Variants in CRTC3 observed in about 807,000 individuals in gnomAD.
The protein encoded by CRTC3 is CREB-regulated transcription coactivator 3.
In CRTC3, 26 loss-of-function variants were observed where a neutral mutation model predicts 74.5. The observed-to-expected ratio is 0.35, with a 90% CI of 0.26 to 0.48. CRTC3 has a LOEUF of 0.48. Among genes scored for constraint, CRTC3 ranks in the 20% least tolerant of loss-of-function variants. The pLI is 0.99. For synonymous variants in CRTC3, 377 were observed against 325.8 expected (o/e 1.16, Z -1.69); for missense variants, 760 against 787.3 (o/e 0.97, Z 0.41).
At chr15:90,627,920 AT>A (rs1245983039) in intron 10 of CRTC3, among the ~76,000 whole-genome samples, 3 of 143,996 alleles carry the variant, frequency 2.1e-5, no homozygotes. Context: ...CGGCAAAATT[AT>A]TTTTAAGAAT....
chr15:90,633,703 GTTCT>G (rs35062563), intron 11 of CRTC3, among the ~76,000 whole-genome samples: 2 of 151,484 alleles, frequency 1.3e-5, no homozygotes, highest in South Asian at 4.2e-4. Flanking sequence ...AGTTTTCTCT[GTTCT>G]TTCTCTCTGG....
chr15:90,540,945 C>T lies in CRTC3; in HGVS notation c.231+808C>T, dbSNP rs994303250. The stretch of plus-strand genomic sequence containing the variant: ...AAAGCATACTTTAATTTGGACCAGC[C>T]GCATTTCACTAGTTTCATGTGGCTG... On this transcript the variant is annotated intron_variant, in intron 2 of 14. Transcript: ENST00000268184. 3.3e-4 allele frequency among the ~76,000 whole-genome samples: 50 copies of T among 152,248 alleles called. 1 individual carries two copies. The highest frequency in any genetic ancestry group is 8.5e-4 in the Admixed American group (13 of 15,282).
At chr15:90,536,567 C>T (rs1033271370) in intron 1 of CRTC3, among the ~76,000 whole-genome samples, 1 of 151,918 alleles carries the variant, frequency 6.6e-6, no homozygotes, top group Non-Finnish European at 1.5e-5. Flanking sequence ...TTGTCAATGT[C>T]TCTGAAAGGA....
intron 2 of CRTC3, among the ~76,000 whole-genome samples, chr15:90,559,495 T>G (rs2151065098): frequency 6.6e-6 from 1 of 152,308 alleles, no homozygotes; most frequent in South Asian, 2.1e-4. Context: ...TTTAATATCC[T>G]TACTTATGAA....
At chr15:90,534,698 C>T (rs1446464081) in intron 1 of CRTC3, among the ~76,000 whole-genome samples, 1 of 152,220 alleles carries the variant, frequency 6.6e-6, no homozygotes, top group Non-Finnish European at 1.5e-5. Flanking sequence ...GCACCAGTTG[C>T]CTGGAGCTGA....
chr15:90,587,354 A>G (rs1967689418), intron 2 of CRTC3, among the ~76,000 whole-genome samples: 1 of 152,138 alleles, frequency 6.6e-6, no homozygotes, highest in Non-Finnish European at 1.5e-5. Context: ...TGGAAGATTC[A>G]CACGTCCTGT....
rs7183489 is a variant in CRTC3, at chr15:90,634,839, G to C, written c.1267-3607G>C. ...CATTTTGCTTCCAGAAAAATCTCAAGGAAAAGTATTGCAAGCAACAGTAGT... is the reference window on the plus strand; with the variant it reads ...CATTTTGCTTCCAGAAAAATCTCAACGAAAAGTATTGCAAGCAACAGTAGT... On this transcript the variant is annotated intron_variant, in intron 11 of 14. Transcript: ENST00000268184. 4.1e-3 allele frequency: 6,365 copies of C among 1,534,652 alleles called. 231 individuals carry two copies. In the African/African-American group the frequency reaches 0.075, roughly 18 times the overall value.
intron 2 of CRTC3, among the ~76,000 whole-genome samples, chr15:90,571,334 G>A (rs983144533): frequency 6.6e-6 from 1 of 152,224 alleles, no homozygotes; most frequent in African/African-American, 2.4e-5. Context: ...CTTCCTGGAG[G>A]AAGAGGTGAC....
chr15:90,532,749 TAGG>T, intron 1 of CRTC3, among the ~76,000 whole-genome samples: 1 of 152,210 alleles, frequency 6.6e-6, no homozygotes, highest in East Asian at 1.9e-4. Context: ...AAGGGAGTAC[TAGG>T]AGGAGGAGTT....
At chr15:90,588,494 C>G (rs952739463) in intron 2 of CRTC3, among the ~76,000 whole-genome samples, 9 of 152,192 alleles carry the variant, frequency 5.9e-5, no homozygotes, top group African/African-American at 2.2e-4. Flanking sequence ...CTACTTAAGA[C>G]ATGATAGTCT....
At chr15:90,596,334 C>T (rs911084990) in intron 3 of CRTC3, 1 of 152,220 alleles carries the variant, frequency 6.6e-6, no homozygotes, top group Non-Finnish European at 1.5e-5. Flanking sequence ...CAAAGTCCTA[C>T]CCAGAAGGGG....
chr15:90,584,762 GTAGA>G (rs138036412), intron 2 of CRTC3, among the ~76,000 whole-genome samples: 3,205 of 152,146 alleles, frequency 0.021, 102 homozygotes, highest in African/African-American at 0.07. Flanking sequence ...GGCAGATAGG[GTAGA>G]TAGACACTAC....
rs529502369 is a variant in CRTC3 at position 90,567,592 on chromosome 15, G to A, written c.232-26044G>A. ...AATCCCAGCTACTCGGGAAGCTGAG[G>A]CAGGAGAATTGCTTGAACCCGGGAG... On this transcript the variant is annotated intron_variant, in intron 2 of 14. Coordinates refer to ENST00000268184, the MANE Select transcript of CRTC3 (RefSeq NM_022769.5). Among the ~76,000 whole-genome samples, 1,031 of 152,210 alleles carry A rather than the reference G, an allele frequency of 6.8e-3. 8 individuals carry two copies. Among genetic ancestry groups the A allele is most frequent in the Non-Finnish European group, 0.011 (721 of 68,006 alleles).
At chr15:90,568,199 G>C (rs183846154) in intron 2 of CRTC3, among the ~76,000 whole-genome samples, 51 of 152,344 alleles carry the variant, frequency 3.3e-4, no homozygotes, top group Admixed American at 1.4e-3. Context: ...AACTTGAATG[G>C]ATGAGGAATT....
intron 2 of CRTC3, among the ~76,000 whole-genome samples, chr15:90,549,684 TA>T (rs1256559209): frequency 6.9e-6 from 1 of 145,212 alleles, no homozygotes; most frequent in Non-Finnish European, 1.5e-5. Context: ...CTTATTCACT[TA>T]TTTTATTTTA....
chr15:90,622,644 A>G (rs896577217), intron 9 of CRTC3, among the ~76,000 whole-genome samples: 1 of 152,168 alleles, frequency 6.6e-6, no homozygotes, highest in African/African-American at 2.4e-5. Context: ...TGAGGTCAGG[A>G]GTTCAAGACC....
intron 2 of CRTC3, among the ~76,000 whole-genome samples, chr15:90,581,157 G>A (rs1967531714): frequency 6.6e-6 from 1 of 152,170 alleles, no homozygotes; most frequent in Admixed American, 6.5e-5. Context: ...GATGCTGTCT[G>A]GTTGCATTGG....
In CRTC3 at chr15:90,644,365, T is replaced by C. The variant is rs2151101190; in HGVS notation, c.*2225T>C. On this transcript the variant is annotated 3_prime_UTR_variant, in exon 15 of 15. Coordinates refer to ENST00000268184, the MANE Select transcript of CRTC3 (RefSeq NM_022769.5). ...GCTGATGTTTCAAGAATTGTGTTTTTATAAAACAGAGGTCTCAGCATAGTC... is the reference window on the plus strand; with the variant it reads ...GCTGATGTTTCAAGAATTGTGTTTTCATAAAACAGAGGTCTCAGCATAGTC... 4.3e-6 allele frequency: 1 copy of C among 230,558 alleles called. No homozygotes were observed. The highest frequency in any genetic ancestry group is 8.6e-6 in the Non-Finnish European group (1 of 116,372). 14.3% of individuals were successfully genotyped at this position (230,558 alleles called of 1,614,324 possible).
chr15:90,638,574 T>G lies in CRTC3; in HGVS notation c.1395T>G (p.Pro465=). 14 of 1,613,002 alleles carry G rather than the reference T, an allele frequency of 8.7e-6. No homozygotes were observed. The highest frequency in any genetic ancestry group is 1.0e-5 in the Non-Finnish European group (12 of 1,179,894). Residue 465 remains proline (P), a synonymous_variant, in exon 12 of 15, where the codon CCT becomes CCG. Transcript: ENST00000268184. Reference sequence around the variant, plus strand: ...CCCTCCTGCAGCAGCCCCGCGCCCCTGAGGCCCCTGCCCAGCAGCCCCAGG... The same window carrying G: ...CCCTCCTGCAGCAGCCCCGCGCCCCGGAGGCCCCTGCCCAGCAGCCCCAGG... ...TQPLLQQPRA[P]EAPAQQPQAA...
Sources: allele counts gnomAD v4.1 joint callset (sites outside exome capture counted in the v4.1 genomes callset), GRCh38; gene constraint gnomAD v4.1.1; transcripts MANE v1.5; gene names NCBI Gene and HGNC (gene_info 2026-07-23, HGNC 2026-07-21).